The following LRCH3 variants were observed in gnomAD, a reference collection of about 807,000 sequenced individuals.
LRCH3 encodes leucine rich repeats and calponin homology domain containing 3.
Under a neutral mutation model 104.5 loss-of-function variants are expected in LRCH3, and 68 were observed. The observed-to-expected ratio is 0.65, with a 90% CI of 0.54 to 0.80. The LOEUF (loss-of-function observed/expected upper bound fraction) is 0.80, where lower values mean the gene tolerates loss of function less well. Among genes scored for constraint, LRCH3 ranks in the 30% least tolerant of loss-of-function variants. The pLI, the probability that LRCH3 is intolerant of heterozygous loss-of-function variation, is 0.00. For synonymous variants in LRCH3, 344 were observed against 361.3 expected, an observed-to-expected ratio of 0.95 and a Z score of 0.54; for missense variants, 951 against 953.9, an observed-to-expected ratio of 1.00 and a Z score of 0.04.
At chr3:197,800,416 T>C (rs994899507) in intron 1 of LRCH3, among the ~76,000 whole-genome samples, 7 of 152,220 alleles carry the variant, frequency 4.6e-5, no homozygotes, top group Admixed American at 4.6e-4. Flanking sequence ...AAGTGGCCAA[T>C]AAATGTTTGA....
At chr3:197,807,233 T>C (rs1392475381) in intron 1 of LRCH3, among the ~76,000 whole-genome samples, 1 of 151,442 alleles carries the variant, frequency 6.6e-6, no homozygotes, top group Non-Finnish European at 1.5e-5. Context: ...TTTTTTTTTT[T>C]TGAGACGGAG....
intron 1 of LRCH3, among the ~76,000 whole-genome samples, chr3:197,800,146 G>A (rs1165179740): frequency 4.0e-5 from 6 of 151,788 alleles, no homozygotes; most frequent in Non-Finnish European, 8.8e-5. Context: ...CCAAGATCAC[G>A]CTGATCGCAC....
At chr3:197,806,750 C>T (rs1339210911) in intron 1 of LRCH3, among the ~76,000 whole-genome samples, 2 of 150,572 alleles carry the variant, frequency 1.3e-5, no homozygotes, top group Admixed American at 1.3e-4. Context: ...TGGAGTTTCA[C>T]CATGTTGTCC....
chr3:197,807,445 TCTC>T (rs1054536487), intron 1 of LRCH3, among the ~76,000 whole-genome samples: 6 of 151,966 alleles, frequency 3.9e-5, no homozygotes, highest in Admixed American at 3.3e-4. Context: ...ATAGTCTCGA[TCTC>T]CTGACCCTGT....
At chr3:197,813,534 T>C (rs1580605347) in intron 1 of LRCH3, among the ~76,000 whole-genome samples, 2 of 119,656 alleles carry the variant, frequency 1.7e-5, no homozygotes, top group Non-Finnish European at 3.3e-5. Context: ...TTTTTTTTTT[T>C]TTTTTTTTTT....
At chr3:197,836,289 C>G (rs535116937) in intron 9 of LRCH3, among the ~76,000 whole-genome samples, 65 of 152,200 alleles carry the variant, frequency 4.3e-4, no homozygotes, top group Non-Finnish European at 6.5e-4. Flanking sequence ...AGCTTTTGTG[C>G]TAAGTCACAC....
intron 15 of LRCH3, among the ~76,000 whole-genome samples, chr3:197,862,652 A>G (rs1741019900): frequency 5.3e-5 from 8 of 151,946 alleles, no homozygotes; most frequent in Admixed American, 5.2e-4. Context: ...ACAACCCTGG[A>G]AAATAAACAT....
At chr3:197,792,871 C>T (rs1004501005) in intron 1 of LRCH3, among the ~76,000 whole-genome samples, 2 of 151,618 alleles carry the variant, frequency 1.3e-5, no homozygotes, top group African/African-American at 2.4e-5. Flanking sequence ...AGGCAGGTCT[C>T]GAACTCCTGA....
At chr3:197,817,345 T>TG in intron 3 of LRCH3, 43 bp downstream of exon 3, 2 of 424,362 alleles carry the variant, frequency 4.7e-6, no homozygotes, top group Non-Finnish European at 6.6e-6. Flanking sequence ...TGTGTGTGTG[T>TG]CTGTGTGTGT....
intron 2 of LRCH3, among the ~76,000 whole-genome samples, chr3:197,815,375 T>C (rs1342605935): frequency 2.6e-5 from 4 of 152,178 alleles, no homozygotes; most frequent in African/African-American, 7.2e-5. Context: ...AAAACACTTA[T>C]CTTAGGCTAC....
intron 4 of LRCH3, among the ~76,000 whole-genome samples, chr3:197,824,660 C>A (rs1046417553): frequency 2.7e-5 from 4 of 150,430 alleles, no homozygotes; most frequent in Non-Finnish European, 4.4e-5. Flanking sequence ...TCTGCCCCCC[C>A]GTCCCGGGTT....
chr3:197,828,076 CAA>C (rs11396052), intron 5 of LRCH3, among the ~76,000 whole-genome samples: 4 of 129,258 alleles, frequency 3.1e-5, no homozygotes, highest in Non-Finnish European at 4.9e-5. Flanking sequence ...GACTCCGTCT[CAA>C]AAAAAAAAAA....
At chr3:197,879,510 G>C (rs111590582) in intron 20 of LRCH3, among the ~76,000 whole-genome samples, 1 of 148,168 alleles carries the variant, frequency 6.7e-6, no homozygotes, top group African/African-American at 2.6e-5. Context: ...GCCGGGCGTG[G>C]TGGCGGGCGC....
intron 15 of LRCH3, among the ~76,000 whole-genome samples, chr3:197,864,532 C>A (rs1741234967): frequency 6.7e-6 from 1 of 148,624 alleles, no homozygotes; most frequent in African/African-American, 2.6e-5. Context: ...ATTGCTTGAA[C>A]CCGGGAGGCG....
In LRCH3 at chr3:197,879,998, T is replaced by G. The variant is rs376994167; in HGVS notation, c.2209-3543T>G. Among the ~76,000 whole-genome samples, 40 of 150,038 alleles carry G rather than the reference T, an allele frequency of 2.7e-4. No homozygotes were observed. The East Asian group carries it at 5.7e-3, about 21-fold the overall frequency. On this transcript the variant is annotated intron_variant, in intron 20 of 20. Coordinates refer to ENST00000425562, the MANE Select transcript of LRCH3 (RefSeq NM_001365715.1). ...TCTCGCTCTGTCACCCAGGCTGGAG[T>G]GCGGTGGCGCGATCTCGGCTCACTG...
At position 197,883,697 on chromosome 3, in the gene LRCH3, C is replaced by G. The variant is rs1296765420; in HGVS notation, c.*31C>G. 1.3e-6 allele frequency: 2 copies of G among 1,527,284 alleles called. No individual in the cohort carries two copies. The highest frequency in any genetic ancestry group is 1.2e-5 in the South Asian group (1 of 82,768). The allele number at this position is 1,527,284 out of a possible 1,614,324, so 94.6% of individuals were successfully genotyped here. On this transcript the variant is annotated 3_prime_UTR_variant, in exon 21 of 21. Transcript: ENST00000425562. The surrounding 1 kb of genome is among the most constrained non-coding windows in gnomAD (Gnocchi z 4.2). The stretch of plus-strand genomic sequence containing the variant: ...CCCAGGACGGTGGGCACTGGCCTGG[C>G]CAAAACAAGGAACAGGACACCGTGA...
At chr3:197,838,330 T>G (rs1737209284) in intron 9 of LRCH3, among the ~76,000 whole-genome samples, 1 of 152,246 alleles carries the variant, frequency 6.6e-6, no homozygotes, top group Admixed American at 6.5e-5. Context: ...TGTAGAATTG[T>G]AGTTTATTAT....
chr3:197,845,893 G>A (rs1738608867), intron 10 of LRCH3, among the ~76,000 whole-genome samples: 1 of 152,198 alleles, frequency 6.6e-6, no homozygotes, highest in Non-Finnish European at 1.5e-5. Flanking sequence ...GACAGGGCAA[G>A]ACTCTGTCTC....
chr3:197,872,850 C>A (rs115344796), intron 19 of LRCH3, among the ~76,000 whole-genome samples: 363 of 152,182 alleles, frequency 2.4e-3, no homozygotes, highest in African/African-American at 8.3e-3. Flanking sequence ...GAGCGAGACT[C>A]TGTCTCAAAA....
Sources: allele counts gnomAD v4.1 joint callset (sites outside exome capture counted in the v4.1 genomes callset), GRCh38; gene constraint gnomAD v4.1.1; non-coding constraint Gnocchi (gnomAD v3.1); transcripts MANE v1.5; gene names NCBI Gene and HGNC (gene_info 2026-07-23, HGNC 2026-07-21).